Variants in OOSP1 observed in about 807,000 individuals in gnomAD.
The protein encoded by OOSP1 is oocyte secreted protein 1, also known as putative oocyte-secreted protein 1 homolog.
Under a neutral mutation model 5.7 loss-of-function variants are expected in OOSP1, and 11 were observed. The ratio of observed to expected loss-of-function variants is 1.94; its 90% CI spans 1.22 to 3.20. The LOEUF is 3.20. Ranked by LOEUF, OOSP1 falls within the 30% of genes most tolerant of loss-of-function variation. The pLI is 0.00. For missense variants in OOSP1, 83 were observed against 54.1 expected, an observed-to-expected ratio of 1.53 and a Z score of -1.67; for synonymous variants, 44 against 20.0, an observed-to-expected ratio of 2.20 and a Z score of -3.20.
chr11:59,950,414 A>G (rs1054709769), intron 4 of OOSP1, among the ~76,000 whole-genome samples: 6 of 152,222 alleles, frequency 3.9e-5, no homozygotes, highest in Non-Finnish European at 8.8e-5. Flanking sequence ...AGTTCAAAGC[A>G]AAGAAGTAAG....
intron 1 of OOSP1, among the ~76,000 whole-genome samples, chr11:59,942,117 A>G (rs1853834151): frequency 6.6e-6 from 1 of 152,120 alleles, no homozygotes; most frequent in South Asian, 2.1e-4. Context: ...AACTGATAAA[A>G]TTTTCCTTTA....
At chr11:59,939,673 C>T (rs973756324) in intron 1 of OOSP1, among the ~76,000 whole-genome samples, 95 of 149,828 alleles carry the variant, frequency 6.3e-4, no homozygotes, top group African/African-American at 2.2e-3. Flanking sequence ...TTCCTCTTCT[C>T]TTCCTGTTCC....
chr11:59,956,335 C>G (rs1353283076), intron 4 of OOSP1, among the ~76,000 whole-genome samples: 4 of 152,022 alleles, frequency 2.6e-5, no homozygotes, highest in African/African-American at 9.7e-5. Flanking sequence ...CTAAGTTAAT[C>G]ACGTGAGTGG....
intron 3 of OOSP1, 117 bp downstream of exon 3, chr11:59,945,383 C>G: frequency 1.4e-6 from 1 of 697,496 alleles, no homozygotes; most frequent in Non-Finnish European, 2.6e-6. Flanking sequence ...GGGGAGACAC[C>G]AAACCCTAAT....
Position 59,948,575 on chromosome 11 carries a change from C to T in OOSP1, c.486+713C>T, listed in dbSNP as rs56214512. The T allele has an allele frequency of 5.0e-3, 1,944 of 392,588 alleles. 30 individuals carry two copies. The highest frequency in any genetic ancestry group is 0.035 in the African/African-American group (1,680 of 48,568). The allele number at this position is 392,588 out of a possible 1,614,324, so 24.3% of individuals were successfully genotyped here. A position where few individuals can be genotyped will look rare whatever the true frequency, so the allele number is the denominator to read the frequency against. On this transcript the variant is annotated intron_variant, in intron 4 of 4. Transcript: ENST00000646685. ...CTTTCTTTCTTCTCCTCCCTTACCT[C>T]CCACTTACACCTTCTCCTTCATTTC...
Position 59,954,977 on chromosome 11 carries a change from AAG to A in OOSP1, c.487-2214_487-2213del, listed in dbSNP as rs568753359. Among the ~76,000 whole-genome samples, 12 of 152,166 alleles carry A rather than the reference AAG, an allele frequency of 7.9e-5. No homozygotes were observed. In the South Asian group the frequency reaches 2.3e-3, roughly 29 times the overall value. On this transcript the variant is annotated intron_variant, in intron 4 of 4. Transcript: ENST00000646685. ...AAATCAAGAATCCTTTTGTTAGACA[AAG>A]AGAACATTTAGAGGTGCTATACAAA... is the stretch of plus-strand genomic sequence containing the variant.
At position 59,946,850 on chromosome 11, in the gene OOSP1, A is replaced by G. The variant is rs145081263; in HGVS notation, c.357-883A>G. 2.8e-3 allele frequency among the ~76,000 whole-genome samples: 414 copies of G among 150,036 alleles called. 2 individuals carry two copies. Among genetic ancestry groups the G allele is most frequent in the African/African-American group, 9.6e-3 (392 of 40,836 alleles). On this transcript the variant is annotated intron_variant, in intron 3 of 4. Transcript: ENST00000646685. ...TCTTTTTTTTTTTTTTTATTAATTG[A>G]CATCTTGAGAAAGTCTAAGTGCTTA...
chr11:59,947,317 C>T (rs1406493616), intron 3 of OOSP1, among the ~76,000 whole-genome samples: 2 of 151,864 alleles, frequency 1.3e-5, no homozygotes, highest in Non-Finnish European at 2.9e-5. Flanking sequence ...GTGGTTGAGC[C>T]TCCTTATTTT....
intron 4 of OOSP1, chr11:59,949,140 A>G (rs1853915063): frequency 1.1e-5 from 2 of 175,816 alleles, no homozygotes; most frequent in Admixed American, 1.3e-4. Context: ...TTGCTGATTC[A>G]TGCCCTTAGC....
chr11:59,945,893 CG>C lies in OOSP1; in HGVS notation c.356+629del, dbSNP rs139805556. ...AGTTTTTACTCATGGCGGAAGGCAA[CG>C]GAAGGCAACAGAAGGCAAAGCTGGA... is the stretch of plus-strand genomic sequence containing the variant. On this transcript the variant is annotated intron_variant, in intron 3 of 4. Transcript: ENST00000646685. 3.2e-3 allele frequency among the ~76,000 whole-genome samples: 482 copies of C among 151,542 alleles called. 5 individuals carry two copies. Among genetic ancestry groups the C allele is most frequent in the African/African-American group, 0.011 (439 of 41,252 alleles).
At chr11:59,946,185 C>A (rs1294184084) in intron 3 of OOSP1, among the ~76,000 whole-genome samples, 3 of 152,170 alleles carry the variant, frequency 2.0e-5, no homozygotes, top group African/African-American at 7.2e-5. Context: ...ATTGGATTCT[C>A]ATAGGAGCAC....
intron 4 of OOSP1, among the ~76,000 whole-genome samples, chr11:59,952,954 C>T (rs1590894239): frequency 6.6e-6 from 1 of 152,156 alleles, no homozygotes; most frequent in East Asian, 1.9e-4. Context: ...TAAGTTAGAA[C>T]TTGCCCCTTC....
At position 59,945,232 on chromosome 11, in the gene OOSP1, C is replaced by CGAT. The variant is rs780603618; in HGVS notation, c.323_325dup (p.Arg108_Ser109insTer). The CGAT allele has an allele frequency of 3.3e-5, 23 of 702,880 alleles. No homozygotes were observed. In the African/African-American group the frequency reaches 3.5e-4, roughly 11 times the overall value. 43.5% of individuals were successfully genotyped at this position (702,880 alleles called of 1,614,324 possible). A position where few individuals can be genotyped will look rare whatever the true frequency, so the allele number is the denominator to read the frequency against. ...GTATATCTCAAGAGACTCTACTGTCCGATCTGAAATGCCTCTGTCGTGTGT... is the reference window on the plus strand; with the variant it reads ...GTATATCTCAAGAGACTCTACTGTCCGATGATCTGAAATGCCTCTGTCGTGTGT... On this transcript the variant is annotated stop_gained and inframe_insertion, in exon 3 of 5. Coordinates refer to ENST00000646685, the Ensembl canonical transcript of OOSP1. LOFTEE classifies it high-confidence loss of function.
intron 1 of OOSP1, among the ~76,000 whole-genome samples, chr11:59,942,373 A>G (rs978604905): frequency 2.6e-5 from 4 of 152,170 alleles, no homozygotes; most frequent in Non-Finnish European, 4.4e-5. Context: ...CCTGCTTGCT[A>G]GCTTGAGTTT....
At chr11:59,953,919 G>A (rs984522950) in intron 4 of OOSP1, among the ~76,000 whole-genome samples, 2 of 152,100 alleles carry the variant, frequency 1.3e-5, no homozygotes, top group Admixed American at 1.3e-4. Context: ...TTACTAATCG[G>A]AATATGTTCT....
At chr11:59,945,557 C>T (rs538952718) in intron 3 of OOSP1, among the ~76,000 whole-genome samples, 26 of 150,120 alleles carry the variant, frequency 1.7e-4, no homozygotes, top group African/African-American at 4.9e-4. Context: ...CTGGCTAACA[C>T]GGTGAAACCC....
At chr11:59,954,898 G>T (rs1323847078) in intron 4 of OOSP1, among the ~76,000 whole-genome samples, 1 of 150,980 alleles carries the variant, frequency 6.6e-6, no homozygotes, top group Non-Finnish European at 1.5e-5. Flanking sequence ...GCTCTCCTTT[G>T]GTTTTCTTCT....
intron 4 of OOSP1, 129 bp from the exon 5 acceptor site, chr11:59,957,066 A>G (rs1565235046): frequency 7.7e-6 from 3 of 388,538 alleles, no homozygotes; most frequent in Admixed American, 8.9e-5. Context: ...TTAAAAACAA[A>G]TATGCCTTTC....
At position 59,941,931 on chromosome 11, in the gene OOSP1, G is replaced by A. The variant is rs114879770; in HGVS notation, c.77-916G>A. On this transcript the variant is annotated intron_variant, in intron 1 of 4. Coordinates refer to ENST00000646685, the Ensembl canonical transcript of OOSP1. ...ATTGTGATAGGTGTGTAGTAATATC[G>A]TGATTTGAATTTGGATTTCCATAAT... 3.6e-3 allele frequency among the ~76,000 whole-genome samples: 545 copies of A among 152,232 alleles called. 5 individuals carry two copies. Among genetic ancestry groups the A allele is most frequent in the African/African-American group, 0.012 (505 of 41,534 alleles).
Sources: gnomAD v4.1 joint callset for allele counts (sites outside exome capture counted in the v4.1 genomes callset) on GRCh38, gnomAD v4.1.1 for gene constraint, MANE v1.5 for transcripts, NCBI Gene and HGNC (gene_info 2026-07-23, HGNC 2026-07-21) for gene names.